ASTN2: variants seen among roughly 807,000 people sequenced by gnomAD.
ASTN2 encodes astrotactin-2.
ASTN2 carries 54 observed loss-of-function variants against 139.8 expected under a neutral mutation model. That is an observed-to-expected ratio of 0.39 (90% CI 0.31 to 0.48). The LOEUF (loss-of-function observed/expected upper bound fraction) is 0.48, where lower values mean the gene tolerates loss of function less well. ASTN2 is among the 20% of genes least tolerant of loss of function. The pLI is 0.95. For synonymous variants in ASTN2, 756 were observed against 719.5 expected (o/e 1.05, Z -0.81); for missense variants, 1,565 against 1,725.1 (o/e 0.91, Z 1.64).
chr9:117,102,722 G>C (rs754917568), intron 4 of ASTN2, among the ~76,000 whole-genome samples: 2 of 151,904 alleles, frequency 1.3e-5, no homozygotes, highest in African/African-American at 4.8e-5. Context: ...GGGATTCACC[G>C]TGTTGGCCAG....
chr9:117,167,758 A>T (rs1242848908), intron 3 of ASTN2, among the ~76,000 whole-genome samples: 1 of 152,132 alleles, frequency 6.6e-6, no homozygotes, highest in African/African-American at 2.4e-5. Context: ...GAGAGACATC[A>T]AGTAATTTCA....
intron 19 of ASTN2, among the ~76,000 whole-genome samples, chr9:116,503,319 G>T (rs550033604): frequency 1.3e-5 from 2 of 151,938 alleles, no homozygotes; most frequent in East Asian, 1.9e-4. Context: ...GGGAGGAGGA[G>T]GGGGGGAGAG....
intron 19 of ASTN2, among the ~76,000 whole-genome samples, chr9:116,581,491 A>C (rs147292325): frequency 6.6e-6 from 1 of 152,314 alleles, no homozygotes; most frequent in East Asian, 1.9e-4. Flanking sequence ...GGCTTTATCA[A>C]GATAATATAT....
At chr9:116,733,312 G>T in intron 14 of ASTN2, 87 bp downstream of exon 14, 1 of 1,531,244 alleles carries the variant, frequency 6.5e-7, no homozygotes. Flanking sequence ...AGCCCATCTT[G>T]GATCTGCTGA....
intron 3 of ASTN2, among the ~76,000 whole-genome samples, chr9:117,205,389 T>C (rs1041547868): frequency 6.6e-6 from 1 of 152,180 alleles, no homozygotes; most frequent in East Asian, 1.9e-4. Flanking sequence ...TTTATTTTTA[T>C]ATCTAATCCT....
At chr9:116,681,907 A>T (rs1266203170) in intron 16 of ASTN2, among the ~76,000 whole-genome samples, 3 of 150,932 alleles carry the variant, frequency 2.0e-5, no homozygotes, top group African/African-American at 7.3e-5. Context: ...CGTTAGACCT[A>T]AAACCATAAA....
intron 15 of ASTN2, among the ~76,000 whole-genome samples, chr9:116,728,770 G>C (rs1384661960): frequency 6.6e-6 from 1 of 152,012 alleles, no homozygotes; most frequent in South Asian, 2.1e-4. Flanking sequence ...AGAATGATTA[G>C]CTCCATCTTC....
chr9:116,597,307 T>G (rs1287612830), intron 19 of ASTN2, among the ~76,000 whole-genome samples: 1 of 139,700 alleles, frequency 7.2e-6, no homozygotes, highest in African/African-American at 2.6e-5. Context: ...CTATTTTTTT[T>G]TTTTTTTTTT....
chr9:117,318,768 C>T (rs1335785595), intron 1 of ASTN2, among the ~76,000 whole-genome samples: 2 of 152,174 alleles, frequency 1.3e-5, no homozygotes, highest in Non-Finnish European at 2.9e-5. Flanking sequence ...GTCTCAGTCC[C>T]ATGCCTGAGC....
At chr9:116,693,049 A>T (rs549446083) in intron 16 of ASTN2, among the ~76,000 whole-genome samples, 10 of 152,320 alleles carry the variant, frequency 6.6e-5, no homozygotes, top group Admixed American at 1.3e-4. Context: ...TTTATATGCC[A>T]TGAAAGGAAA....
intron 2 of ASTN2, among the ~76,000 whole-genome samples, chr9:117,279,939 A>T (rs1035704475): frequency 7.2e-5 from 11 of 151,992 alleles, no homozygotes; most frequent in Admixed American, 2.0e-4. Context: ...ATAAGGACTA[A>T]TTTTTTTAAT....
intron 10 of ASTN2, among the ~76,000 whole-genome samples, chr9:116,960,661 C>T (rs941339197): frequency 6.6e-6 from 1 of 151,948 alleles, no homozygotes; most frequent in Non-Finnish European, 1.5e-5. Context: ...GTTGTAACCC[C>T]CCAGAAATGT....
rs116798787 is a variant in ASTN2, at chr9:117,129,156, T to C, written c.1168+12170A>G. ...AATTTTTGTAAAGGTAATTTCAATT[T>C]GAAGCAGAAATATGAGATATATGGA... On this transcript the variant is annotated intron_variant, in intron 4 of 22. Transcript: ENST00000313400. 6.4e-3 allele frequency among the ~76,000 whole-genome samples: 982 copies of C among 152,316 alleles called. 10 individuals carry two copies. The highest frequency in any genetic ancestry group is 0.022 in the African/African-American group (928 of 41,572).
At chr9:116,752,595 T>C (rs573252210) in intron 13 of ASTN2, among the ~76,000 whole-genome samples, 1 of 152,294 alleles carries the variant, frequency 6.6e-6, no homozygotes, top group South Asian at 2.1e-4. Context: ...AAAGACACGC[T>C]ATAGACTGGG....
chr9:117,351,927 T>G (rs1391584933), intron 1 of ASTN2, among the ~76,000 whole-genome samples: 1 of 152,168 alleles, frequency 6.6e-6, no homozygotes, highest in Non-Finnish European at 1.5e-5. Flanking sequence ...TTTAGTCACG[T>G]GAGTTTATTA....
intron 13 of ASTN2, among the ~76,000 whole-genome samples, chr9:116,764,258 A>G (rs1274916838): frequency 6.6e-6 from 1 of 152,128 alleles, no homozygotes; most frequent in Non-Finnish European, 1.5e-5. Flanking sequence ...CCTCGGCCTC[A>G]CCTAAGGTCC....
intron 19 of ASTN2, among the ~76,000 whole-genome samples, chr9:116,589,047 T>C (rs758488284): frequency 4.6e-5 from 7 of 152,158 alleles, no homozygotes; most frequent in Non-Finnish European, 1.0e-4. Context: ...AGCAAATACG[T>C]ATTCAGTGTT....
intron 2 of ASTN2, among the ~76,000 whole-genome samples, chr9:117,221,219 T>G (rs1832506048): frequency 6.6e-6 from 1 of 152,150 alleles, no homozygotes; most frequent in Non-Finnish European, 1.5e-5. Flanking sequence ...TTCAGCTGGT[T>G]TTCTTACGTA....
intron 2 of ASTN2, among the ~76,000 whole-genome samples, chr9:117,254,135 T>G (rs1338300984): frequency 2.0e-5 from 3 of 152,162 alleles, no homozygotes; most frequent in Admixed American, 6.5e-5. Context: ...GCCTCAGATT[T>G]TTCCATCTGT....
Sources: gnomAD v4.1 joint callset for allele counts (sites outside exome capture counted in the v4.1 genomes callset) on GRCh38, gnomAD v4.1.1 for gene constraint, MANE v1.5 for transcripts, NCBI Gene and HGNC (gene_info 2026-07-23, HGNC 2026-07-21) for gene names.